The following PTPRO variants were observed in gnomAD, a reference collection of about 807,000 sequenced individuals.
The protein encoded by PTPRO is protein tyrosine phosphatase receptor type O.
PTPRO carries 62 observed loss-of-function variants against 145.2 expected under a neutral mutation model. The ratio of observed to expected loss-of-function variants is 0.43; its 90% confidence interval spans 0.35 to 0.53. The LOEUF (loss-of-function observed/expected upper bound fraction) is 0.53. PTPRO is among the 20% of genes least tolerant of loss of function. PTPRO has a pLI of 0.01. For missense variants in PTPRO, 1,345 were observed against 1,482.7 expected (o/e 0.91, Z 1.53); for synonymous variants, 565 against 514.7 (o/e 1.10, Z -1.32).
intron 17 of PTPRO, among the ~76,000 whole-genome samples, chr12:15,564,964 C>T (rs1202265852): frequency 2.6e-5 from 4 of 152,120 alleles, no homozygotes; most frequent in African/African-American, 9.7e-5. Context: ...CTAAAGCATG[C>T]ATTAGCATTT....
At chr12:15,449,467 G>T (rs1382091297) in intron 1 of PTPRO, among the ~76,000 whole-genome samples, 2 of 152,188 alleles carry the variant, frequency 1.3e-5, no homozygotes, top group African/African-American at 4.8e-5. Flanking sequence ...AAGAGACATA[G>T]GTCAAAGGGA....
chr12:15,440,460 C>A, intron 1 of PTPRO: 1 of 222,718 alleles, frequency 4.5e-6, no homozygotes, highest in South Asian at 7.4e-5. Context: ...ATACAAGGCT[C>A]ATCAGTCTGC....
intron 1 of PTPRO, among the ~76,000 whole-genome samples, chr12:15,445,271 A>T (rs1257325389): frequency 6.6e-6 from 1 of 152,156 alleles, no homozygotes; most frequent in East Asian, 1.9e-4. Context: ...CAGTGGTCAT[A>T]TATTTCTTTT....
intron 2 of PTPRO, among the ~76,000 whole-genome samples, chr12:15,487,202 G>A (rs1941906681): frequency 6.6e-6 from 1 of 152,128 alleles, no homozygotes. Flanking sequence ...ACCCTGTGAT[G>A]TTAGATGGGA....
chr12:15,571,440 A>G (rs979711639), intron 19 of PTPRO, among the ~76,000 whole-genome samples: 1 of 152,090 alleles, frequency 6.6e-6, no homozygotes, highest in African/African-American at 2.4e-5. Context: ...GTTGCCCACC[A>G]CCATGCCCGG....
rs551418825 is a variant in PTPRO at position 15,447,993 on chromosome 12, A to G, written c.76-35981A>G. The stretch of plus-strand genomic sequence containing the variant: ...AGAAACAAGTGAAATTGCTTCTGTT[A>G]TCATTGAGATAGAGTGATTTCCATT... On this transcript the variant is annotated intron_variant, in intron 1 of 26. Transcript: ENST00000281171. Among the ~76,000 whole-genome samples, 11 of 152,292 alleles carry G rather than the reference A, an allele frequency of 7.2e-5. 1 individual carries two copies. The highest frequency in any genetic ancestry group is 2.4e-4 in the African/African-American group (10 of 41,576).
chr12:15,552,653 A>G (rs1378119849), intron 15 of PTPRO, among the ~76,000 whole-genome samples: 1 of 152,200 alleles, frequency 6.6e-6, no homozygotes, highest in Non-Finnish European at 1.5e-5. Flanking sequence ...CCATGAAACT[A>G]GAGAATAAAG....
chr12:15,583,984 G>A (rs149736345), intron 23 of PTPRO, among the ~76,000 whole-genome samples: 2,567 of 152,266 alleles, frequency 0.017, 38 homozygotes, highest in Non-Finnish European at 0.026. Flanking sequence ...TGTTAAGCAC[G>A]TTTTTACTCA....
At chr12:15,511,287 C>T (rs1278462422) in intron 7 of PTPRO, among the ~76,000 whole-genome samples, 1 of 152,172 alleles carries the variant, frequency 6.6e-6, no homozygotes, top group Non-Finnish European at 1.5e-5. Flanking sequence ...TCCACTTTTC[C>T]TCCTCCAACA....
At chr12:15,333,674 G>A (rs1339508960) in intron 1 of PTPRO, among the ~76,000 whole-genome samples, 1 of 152,210 alleles carries the variant, frequency 6.6e-6, no homozygotes, top group Non-Finnish European at 1.5e-5. Flanking sequence ...TCGGGCTGGG[G>A]AGGCAGTGGC....
At chr12:15,396,287 G>T (rs1430336312) in intron 1 of PTPRO, among the ~76,000 whole-genome samples, 2 of 152,106 alleles carry the variant, frequency 1.3e-5, no homozygotes, top group African/African-American at 4.8e-5. Flanking sequence ...AAGGTTTAGT[G>T]ACAAGTGCTG....
rs11056480 is a variant in PTPRO at position 15,431,384 on chromosome 12, C to T, written c.76-52590C>T. Reference sequence around the variant, plus strand: ...AAATTATACCTTTTGGAAAACTATACCATATAATTATTTATCTTCCTTCAA... The same window carrying T: ...AAATTATACCTTTTGGAAAACTATATCATATAATTATTTATCTTCCTTCAA... On this transcript the variant is annotated intron_variant, in intron 1 of 26. Transcript: ENST00000281171. 5.5e-3 allele frequency among the ~76,000 whole-genome samples: 834 copies of T among 152,238 alleles called. 53 individuals carry two copies. In the East Asian group the frequency reaches 0.14, roughly 26 times the overall value.
intron 1 of PTPRO, among the ~76,000 whole-genome samples, chr12:15,359,802 G>A (rs1938118391): frequency 6.6e-6 from 1 of 152,038 alleles, no homozygotes. Flanking sequence ...GTTTTTTAAT[G>A]TTAATTATGT....
At chr12:15,429,606 CAGG>C (rs2136338764) in intron 1 of PTPRO, among the ~76,000 whole-genome samples, 1 of 152,092 alleles carries the variant, frequency 6.6e-6, no homozygotes, top group East Asian at 1.9e-4. Context: ...AGGAGGAAAA[CAGG>C]AGAAAATGAG....
Position 15,581,352 on chromosome 12 carries a change from G to T in PTPRO, c.3133-327G>T, listed in dbSNP as rs59614942. On this transcript the variant is annotated intron_variant, in intron 22 of 26. Transcript: ENST00000281171. ...GTCTCGTTCTGTTGCCCAGGCTGGG[G>T]TGCAGTGGCACGATCTCAGCTCACT... 0.037 allele frequency among the ~76,000 whole-genome samples: 5,602 copies of T among 149,902 alleles called. 341 individuals are homozygous for T. The highest frequency in any genetic ancestry group is 0.13 in the African/African-American group (5,187 of 40,278).
At chr12:15,569,907 C>G (rs1591750968) in intron 19 of PTPRO, among the ~76,000 whole-genome samples, 1 of 152,146 alleles carries the variant, frequency 6.6e-6, no homozygotes, top group Admixed American at 6.5e-5. Flanking sequence ...ATAAAACTGA[C>G]CCCCTTTGTG....
At chr12:15,477,476 A>G (rs1170663549) in intron 1 of PTPRO, among the ~76,000 whole-genome samples, 1 of 151,724 alleles carries the variant, frequency 6.6e-6, no homozygotes, top group African/African-American at 2.4e-5. Context: ...CAATGTGCAC[A>G]TGTACCCTAA....
chr12:15,388,046 C>T (rs1019330919), intron 1 of PTPRO, among the ~76,000 whole-genome samples: 1 of 152,026 alleles, frequency 6.6e-6, no homozygotes, highest in Non-Finnish European at 1.5e-5. Flanking sequence ...ATAAACAATG[C>T]TCATTATAGA....
At chr12:15,349,608 A>C (rs544702895) in intron 1 of PTPRO, among the ~76,000 whole-genome samples, 16 of 152,352 alleles carry the variant, frequency 1.1e-4, no homozygotes, top group African/African-American at 3.4e-4. Context: ...TTAGCTCTGC[A>C]AAGCAGATGC....
Sources: gnomAD v4.1 joint callset for allele counts (sites outside exome capture counted in the v4.1 genomes callset) on GRCh38, gnomAD v4.1.1 for gene constraint, MANE v1.5 for transcripts, NCBI Gene and HGNC (gene_info 2026-07-23, HGNC 2026-07-21) for gene names.